The following CDH13 variants were observed in gnomAD, a reference collection of about 807,000 sequenced individuals.
The protein encoded by CDH13 is cadherin-13.
In CDH13, 24 loss-of-function variants were observed where a neutral mutation model predicts 63.8. The observed-to-expected ratio is 0.38, with a 90% CI of 0.27 to 0.53. CDH13 has a LOEUF of 0.53. Among genes scored for constraint, CDH13 ranks in the 20% least tolerant of loss-of-function variants. The pLI, the probability that CDH13 is intolerant of heterozygous loss-of-function variation, is 0.85. For synonymous variants in CDH13, 503 were observed against 355.3 expected (o/e 1.42, Z -4.67); for missense variants, 1,049 against 903.1 (o/e 1.16, Z -2.07).
At chr16:83,255,869 G>A (rs959495253) in intron 5 of CDH13, among the ~76,000 whole-genome samples, 17 of 152,214 alleles carry the variant, frequency 1.1e-4, no homozygotes, top group Admixed American at 7.8e-4. Flanking sequence ...AAGATGACAT[G>A]AGACAATGTC....
At position 83,019,836 on chromosome 16, in the gene CDH13, T is replaced by TAAAA. The variant is rs562381483; in HGVS notation, c.158-12159_158-12156dup. Among the ~76,000 whole-genome samples the TAAAA allele has an allele frequency of 9.8e-3, 989 of 100,748 alleles. 7 individuals carry two copies. Among genetic ancestry groups the TAAAA allele is most frequent in the African/African-American group, 0.022 (582 of 27,024 alleles). The allele number at this position is 100,748 out of a possible 152,430, so 66.1% of individuals were successfully genotyped here. Reference sequence around the variant, plus strand: ...AATGGGTAGAAGGAGGAGTACACTCTAAAAAAAAAAAAAAAAAACAATAAA... The same window carrying TAAAA: ...AATGGGTAGAAGGAGGAGTACACTCTAAAAAAAAAAAAAAAAAAAAAACAATAAA... On this transcript the variant is annotated intron_variant, in intron 2 of 13. Transcript: ENST00000567109.
intron 1 of CDH13, chr16:82,705,368 C>G (rs533548075): frequency 2.2e-5 from 7 of 323,292 alleles, no homozygotes; most frequent in South Asian, 7.7e-5. Flanking sequence ...GAATTCAATA[C>G]GCTAATACAG....
At chr16:82,742,003 G>C (rs910142893) in intron 1 of CDH13, among the ~76,000 whole-genome samples, 1 of 152,136 alleles carries the variant, frequency 6.6e-6, no homozygotes, top group Non-Finnish European at 1.5e-5. Context: ...ATCATTTATA[G>C]TAGGAAAAAA....
chr16:82,885,060 G>C (rs2040835421), intron 2 of CDH13, among the ~76,000 whole-genome samples: 2 of 152,196 alleles, frequency 1.3e-5, no homozygotes, highest in African/African-American at 4.8e-5. Flanking sequence ...TTTTCTTCCG[G>C]TACTATATAC....
intron 1 of CDH13, among the ~76,000 whole-genome samples, chr16:82,715,429 G>A (rs1176580009): frequency 2.0e-5 from 3 of 152,136 alleles, no homozygotes; most frequent in African/African-American, 7.2e-5. Context: ...GGGTAATGAA[G>A]AGTAGGTTCT....
chr16:82,774,170 AGG>A (rs2151101453), intron 1 of CDH13, among the ~76,000 whole-genome samples: 1 of 152,300 alleles, frequency 6.6e-6, no homozygotes, highest in South Asian at 2.1e-4. Flanking sequence ...GCCAACAGAG[AGG>A]CTACATCATA....
intron 7 of CDH13, among the ~76,000 whole-genome samples, chr16:83,528,923 TG>T (rs984814999): frequency 2.6e-4 from 39 of 152,192 alleles, no homozygotes; most frequent in Non-Finnish European, 1.0e-4. Context: ...CCTTGAGAAA[TG>T]TCACCAGGGT....
chr16:83,173,432 A>G (rs953284335), intron 4 of CDH13, among the ~76,000 whole-genome samples: 1 of 152,062 alleles, frequency 6.6e-6, no homozygotes, highest in African/African-American at 2.4e-5. Flanking sequence ...CATTTCTAGC[A>G]CATAGTTAAC....
chr16:83,049,735 A>G (rs909846484), intron 3 of CDH13, among the ~76,000 whole-genome samples: 3 of 152,118 alleles, frequency 2.0e-5, no homozygotes, highest in African/African-American at 4.8e-5. Flanking sequence ...ATGGACCACA[A>G]ATTGTTTACC....
chr16:83,283,153 T>C (rs1279725547), intron 5 of CDH13, among the ~76,000 whole-genome samples: 1 of 152,198 alleles, frequency 6.6e-6, no homozygotes, highest in East Asian at 1.9e-4. Flanking sequence ...TCTTCACAGA[T>C]TTTTAAATCT....
intron 2 of CDH13, among the ~76,000 whole-genome samples, chr16:83,006,993 G>A (rs1362789469): frequency 4.0e-5 from 6 of 150,270 alleles, no homozygotes. Context: ...GCATGATCTC[G>A]GCTCATCACA....
In CDH13 at chr16:83,166,775, C is replaced by A. The variant is rs187567387; in HGVS notation, c.483+41274C>A. ...TCTAATTCAGATTTTTCAAAAAATG[C>A]CCGTTGGGCATCAAGTAGCTTTTAC... is the stretch of plus-strand genomic sequence containing the variant. On this transcript the variant is annotated intron_variant, in intron 4 of 13. Transcript: ENST00000567109. Among the ~76,000 whole-genome samples the A allele has an allele frequency of 1.8e-3, 281 of 152,272 alleles. 3 individuals are homozygous for A. The highest frequency in any genetic ancestry group is 6.6e-3 in the African/African-American group (274 of 41,566).
chr16:83,505,480 T>C (rs1158325684), intron 7 of CDH13, among the ~76,000 whole-genome samples: 1 of 149,616 alleles, frequency 6.7e-6, no homozygotes, highest in African/African-American at 2.5e-5. Context: ...TTTAGTAAAC[T>C]CTGCCAAAGG....
intron 10 of CDH13, among the ~76,000 whole-genome samples, chr16:83,707,836 C>CAAAAAAAAAAAAAAAAAAA (rs61067563): frequency 0.012 from 956 of 78,744 alleles, 92 homozygotes; most frequent in Non-Finnish European, 0.014. Flanking sequence ...ACCCTAAAGG[C>CAAAAAAAAAAAAAAAAAAA]AAAAAAAAAA....
intron 4 of CDH13, among the ~76,000 whole-genome samples, chr16:83,134,577 GAGAGAGAGAGAGAGAGT>G: frequency 1.7e-5 from 1 of 60,162 alleles, no homozygotes; most frequent in African/African-American, 1.0e-4. Flanking sequence ...GAGAGAGAGA[GAGAGAGAGAGAGAGAGT>G]GAGTTACATG....
intron 4 of CDH13, among the ~76,000 whole-genome samples, chr16:83,161,023 G>A (rs1392399328): frequency 6.6e-6 from 1 of 152,156 alleles, no homozygotes; most frequent in Non-Finnish European, 1.5e-5. Flanking sequence ...ATGAAAATGA[G>A]GCATTCTTAT....
chr16:83,725,766 A>C (rs1180595230), intron 10 of CDH13: 4 of 152,226 alleles, frequency 2.6e-5, no homozygotes, highest in Non-Finnish European at 5.9e-5. Flanking sequence ...GCTCATTTAT[A>C]ACCCGTCATC....
intron 6 of CDH13, among the ~76,000 whole-genome samples, chr16:83,420,201 C>T (rs113545695): frequency 3.9e-5 from 6 of 152,090 alleles, no homozygotes; most frequent in East Asian, 3.9e-4. Flanking sequence ...GGAACTAAAT[C>T]GAGCTGTCAC....
At chr16:83,421,682 A>G (rs1792699973) in intron 6 of CDH13, among the ~76,000 whole-genome samples, 1 of 152,202 alleles carries the variant, frequency 6.6e-6, no homozygotes, top group South Asian at 2.1e-4. Flanking sequence ...CCTACTGTTG[A>G]GGAGACTAAT....
Sources: gnomAD v4.1 joint callset for allele counts (sites outside exome capture counted in the v4.1 genomes callset) on GRCh38, gnomAD v4.1.1 for gene constraint, MANE v1.5 for transcripts, NCBI Gene and HGNC (gene_info 2026-07-23, HGNC 2026-07-21) for gene names.